PYGO2: variants seen among roughly 807,000 people sequenced by gnomAD.
The protein encoded by PYGO2 is pygopus family PHD finger 2, also known as pygopus homolog 2.
Under a neutral mutation model 26.7 loss-of-function variants are expected in PYGO2, and 9 were observed. The observed-to-expected ratio is 0.34, with a 90% CI of 0.20 to 0.59. The LOEUF is 0.59. PYGO2 is among the 20% of genes least tolerant of loss of function. The probability of loss-of-function intolerance (pLI) is 0.84; values close to 1 mark genes in which losing one functional copy is unlikely to be tolerated. For missense variants in PYGO2, 538 were observed against 561.5 expected, an observed-to-expected ratio of 0.96 and a Z score of 0.42; for synonymous variants, 236 against 219.0, an observed-to-expected ratio of 1.08 and a Z score of -0.68.
chr1:154,960,347 G>A (rs1201096586), intron 2 of PYGO2, among the ~76,000 whole-genome samples: 8 of 149,510 alleles, frequency 5.4e-5, no homozygotes, highest in African/African-American at 2.0e-4. Flanking sequence ...AGCCGAGGCA[G>A]GAGGATCCCT....
Position 154,959,467 on chromosome 1 carries a change from G to C in PYGO2, c.533C>G (p.Pro178Arg). 6.6e-7 allele frequency: 1 copy of C among 1,510,622 alleles called. No individual in the cohort carries two copies. The highest frequency in any genetic ancestry group is 8.8e-7 in the Non-Finnish European group (1 of 1,129,962). 93.6% of individuals were successfully genotyped at this position (1,510,622 alleles called of 1,614,324 possible). The change falls in exon 3 of 3, where the codon CCC becomes CGC. Residue 178 changes from proline (P) to arginine (R), a missense_variant. Around this residue, in one of 4 missense-constraint regions of PYGO2, gnomAD observed 381 missense variants for 336.6 expected, o/e 1.13. Transcript: ENST00000368457. The surrounding 1 kb of genome is among the most constrained non-coding windows in gnomAD (Gnocchi z 4.7). Reference protein sequence around the residue: ...NQPLGQNFSPPSGQMMPGPVG... With the variant: ...NQPLGQNFSPRSGQMMPGPVG... ...TGGGCCCGGCATCATCTGCCCACTG[G>C]GAGGACTAAAGTTTTGACCCAGAGG...
intron 1 of PYGO2, 62 bp from the exon 2 acceptor site, chr1:154,961,088 C>G: frequency 6.6e-7 from 1 of 1,521,894 alleles, no homozygotes; most frequent in Non-Finnish European, 9.0e-7. Flanking sequence ...AACCTCTTTT[C>G]TCTCAGCCAT....
In PYGO2 at chr1:154,961,589, C is replaced by T. The variant is rs777200195; in HGVS notation, c.-13G>A. ...CCGAGGCGGCCATGGAGTGGGGGAC[C>T]CGGGTTAGCGGCAGCGGCGGGGGAT... is the stretch of plus-strand genomic sequence containing the variant. On this transcript the variant is annotated 5_prime_UTR_variant, in exon 1 of 3. Transcript: ENST00000368457. 214 of 1,126,748 alleles carry T rather than the reference C, an allele frequency of 1.9e-4. No homozygotes were observed. The highest frequency in any genetic ancestry group is 2.4e-4 in the Non-Finnish European group (203 of 850,794). 69.8% of individuals were successfully genotyped at this position (1,126,748 alleles called of 1,614,324 possible). A position where few individuals can be genotyped will look rare whatever the true frequency, so the allele number is the denominator to read the frequency against.
rs1655243277 is a variant in PYGO2, at chr1:154,958,227, T to TG, written c.*551dup. On this transcript the variant is annotated 3_prime_UTR_variant, in exon 3 of 3. Coordinates refer to ENST00000368457, the MANE Select transcript of PYGO2 (RefSeq NM_138300.4). ...GAGGGGGAAGGAGTTGGGTAAGTCT[T>TG]GGAGGAAGCAAAGGAGTGGGTAGAA... 6.5e-6 allele frequency: 1 copy of TG among 153,252 alleles called. No homozygotes were observed. The highest frequency in any genetic ancestry group is 6.5e-5 in the Admixed American group (1 of 15,358). The allele number at this position is 153,252 out of a possible 1,614,324, so 9.5% of individuals were successfully genotyped here.
At position 154,958,088 on chromosome 1, in the gene PYGO2, T is replaced by C. The variant is rs1357739493; in HGVS notation, c.*691A>G. 6.5e-6 allele frequency: 1 copy of C among 152,676 alleles called. No individual in the cohort carries two copies. The highest frequency in any genetic ancestry group is 2.4e-5 in the African/African-American group (1 of 41,416). 9.5% of individuals were successfully genotyped at this position (152,676 alleles called of 1,614,324 possible). A position where few individuals can be genotyped will look rare whatever the true frequency, so the allele number is the denominator to read the frequency against. On this transcript the variant is annotated 3_prime_UTR_variant, in exon 3 of 3. Coordinates refer to ENST00000368457, the MANE Select transcript of PYGO2 (RefSeq NM_138300.4). ...GCTGAGAAAGGACCAGTGACTTTGG[T>C]ATGAAGAAGATACGTCCTGACAGCA... is the stretch of plus-strand genomic sequence containing the variant.
rs941035968 is a variant in PYGO2 at position 154,957,427 on chromosome 1, G to C, written c.*1352C>G. On this transcript the variant is annotated 3_prime_UTR_variant, in exon 3 of 3. Coordinates refer to ENST00000368457, the MANE Select transcript of PYGO2 (RefSeq NM_138300.4). Reference sequence around the variant, plus strand: ...AGAAGTGGGGGTAGGGGACCACTAGGTCTTTGCCACTGTATCTTGAGCTGG... The same window carrying C: ...AGAAGTGGGGGTAGGGGACCACTAGCTCTTTGCCACTGTATCTTGAGCTGG... 1 of 152,338 alleles carries C rather than the reference G, an allele frequency of 6.6e-6. No homozygotes were observed. Among genetic ancestry groups the C allele is most frequent in the African/African-American group, 2.4e-5 (1 of 41,398 alleles). 9.4% of individuals were successfully genotyped at this position (152,338 alleles called of 1,614,324 possible).
At position 154,959,163 on chromosome 1, in the gene PYGO2, G is replaced by A. The variant is rs1200173164; in HGVS notation, c.837C>T (p.Ser279=). The A allele has an allele frequency of 1.3e-6, 2 of 1,587,864 alleles. No individual in the cohort carries two copies. The highest frequency in any genetic ancestry group is 8.6e-7 in the Non-Finnish European group (1 of 1,165,748). The change falls in exon 3 of 3, where the codon TCC becomes TCT. Residue 279 remains serine, a synonymous_variant. Coordinates refer to ENST00000368457, the MANE Select transcript of PYGO2 (RefSeq NM_138300.4). This position sits in a 1 kb window ranked among gnomAD's most constrained non-coding sequence, Gnocchi z 4.7. ...GGTTCCCATTAACAGCAGCAGCCGGGGAGCCTGAGTGGGGCTCCTGGGGAA... is the reference window on the plus strand; with the variant it reads ...GGTTCCCATTAACAGCAGCAGCCGGAGAGCCTGAGTGGGGCTCCTGGGGAA... ...TAFPQEPHSG[S]PAAAVNGNQP... is the part of the protein sequence containing the mutation.
In PYGO2 at chr1:154,959,875, G is replaced by A. The variant is rs1016745323; in HGVS notation, c.154-29C>T. ...GTGAGAAACAGTTGAGGGAAAGAGG[G>A]TCATGGAGGGAAACACAGAGCTAAA... On this transcript the variant is annotated intron_variant, in intron 2 of 2. Transcript: ENST00000368457. This position sits in a 1 kb window ranked among gnomAD's most constrained non-coding sequence, Gnocchi z 4.7. 3.7e-6 allele frequency: 4 copies of A among 1,084,602 alleles called. No individual in the cohort carries two copies. Among genetic ancestry groups the A allele is most frequent in the Admixed American group, 3.2e-5 (1 of 31,478 alleles). 67.2% of individuals were successfully genotyped at this position (1,084,602 alleles called of 1,614,324 possible). A position where few individuals can be genotyped will look rare whatever the true frequency, so the allele number is the denominator to read the frequency against.
Position 154,959,133 on chromosome 1 carries a change from G to A in PYGO2, c.867C>T (p.Pro289=). 1 of 1,598,736 alleles carries A rather than the reference G, an allele frequency of 6.3e-7. No homozygotes were observed. The highest frequency in any genetic ancestry group is 8.5e-7 in the Non-Finnish European group (1 of 1,171,240). ...SPAAAVNGNQ[P]SFPPNSSGRG... is the part of the protein sequence containing the mutation. ...GCCCACTGCTGTTCGGGGGGAAACT[G>A]GGCTGGTTCCCATTAACAGCAGCAG... is the stretch of plus-strand genomic sequence containing the variant. The change falls in exon 3 of 3, where the codon CCC becomes CCT. Residue 289 remains proline (P), a synonymous_variant. Transcript: ENST00000368457. The surrounding 1 kb of genome is among the most constrained non-coding windows in gnomAD (Gnocchi z 4.7).
Position 154,961,695 on chromosome 1 carries a change from T to C in PYGO2, c.-119A>G, listed in dbSNP as rs934823413. On this transcript the variant is annotated 5_prime_UTR_variant, in exon 1 of 3. Transcript: ENST00000368457. ...CCCCCGAGCTGCAGCAACCACAAAG[T>C]GCGACGACAGGGAAGCGCCGAGCCG... 1.1e-5 allele frequency: 5 copies of C among 439,174 alleles called. No homozygotes were observed. The highest frequency in any genetic ancestry group is 6.2e-5 in the African/African-American group (3 of 48,622). The allele number at this position is 439,174 out of a possible 1,614,324, so 27.2% of individuals were successfully genotyped here.
At position 154,958,683 on chromosome 1, in the gene PYGO2, G is replaced by C; in HGVS notation, c.*96C>G. Reference sequence around the variant, plus strand: ...TGTTTCTGCCCCATGGGGATGGAAAGCCAGTGGAAACAAGGACCAAGAGCC... The same window carrying C: ...TGTTTCTGCCCCATGGGGATGGAAACCCAGTGGAAACAAGGACCAAGAGCC... On this transcript the variant is annotated 3_prime_UTR_variant, in exon 3 of 3. Transcript: ENST00000368457. 1 of 1,029,190 alleles carries C rather than the reference G, an allele frequency of 9.7e-7. No individual in the cohort carries two copies. The highest frequency in any genetic ancestry group is 1.4e-6 in the Non-Finnish European group (1 of 702,354). 63.8% of individuals were successfully genotyped at this position (1,029,190 alleles called of 1,614,324 possible). A position where few individuals can be genotyped will look rare whatever the true frequency, so the allele number is the denominator to read the frequency against.
At position 154,961,549 on chromosome 1, in the gene PYGO2, C is replaced by G; in HGVS notation, c.28G>C (p.Asp10His). Residue 10 changes from aspartate to histidine, a missense_variant, in exon 1 of 3, where the codon GAC (aspartate) becomes CAC (histidine). Around this residue, in one of 4 missense-constraint regions of PYGO2, gnomAD observed 79 missense variants for 92.7 expected, o/e 0.85. Transcript: ENST00000368457. ...GGGCCGCCACCTCCCTCCAGCTTGTCCGGTGGGGGCGGCGCCGAGGCGGCC... is the reference window on the plus strand; with the variant it reads ...GGGCCGCCACCTCCCTCCAGCTTGTGCGGTGGGGGCGGCGCCGAGGCGGCC... MAASAPPPP[D>H]KLEGGGGPAP... is the part of the protein sequence containing the mutation. 1 of 1,389,530 alleles carries G rather than the reference C, an allele frequency of 7.2e-7. No individual in the cohort carries two copies. Among genetic ancestry groups the G allele is most frequent in the Non-Finnish European group, 9.3e-7 (1 of 1,080,176 alleles). The allele number at this position is 1,389,530 out of a possible 1,614,324, so 86.1% of individuals were successfully genotyped here.
Position 154,958,891 on chromosome 1 carries a change from G to A in PYGO2, c.1109C>T (p.Thr370Ile). ...GGCCCAGACGGCAGAAGCTTCAGTG[G>A]TCAGCAGCCCATAGGCGCTCTCAGT... ...GMTESAYGLL[T>I]TEASAVWACD... The change falls in exon 3 of 3, where the codon ACC (threonine) becomes ATC (isoleucine). Residue 370 changes from threonine to isoleucine, a missense_variant. Thr to Ile is a moderately conservative substitution (Grantham distance 89, BLOSUM62 -1). Coordinates refer to ENST00000368457, the MANE Select transcript of PYGO2 (RefSeq NM_138300.4). 1.2e-6 allele frequency: 2 copies of A among 1,614,030 alleles called. No homozygotes were observed. Among genetic ancestry groups the A allele is most frequent in the Non-Finnish European group, 1.7e-6 (2 of 1,180,042 alleles).
At position 154,958,523 on chromosome 1, in the gene PYGO2, C is replaced by G. The variant is rs575268847; in HGVS notation, c.*256G>C. The G allele has an allele frequency of 2.0e-6, 1 of 488,886 alleles. No homozygotes were observed. Among genetic ancestry groups the G allele is most frequent in the African/African-American group, 1.9e-5 (1 of 51,654 alleles). 30.3% of individuals were successfully genotyped at this position (488,886 alleles called of 1,614,324 possible). A position where few individuals can be genotyped will look rare whatever the true frequency, so the allele number is the denominator to read the frequency against. Reference sequence around the variant, plus strand: ...ACTCCTGGGCCTCCAGAAATAGCCACAAAATGGCTCTGCTCAGCAGGGCTT... The same window carrying G: ...ACTCCTGGGCCTCCAGAAATAGCCAGAAAATGGCTCTGCTCAGCAGGGCTT... On this transcript the variant is annotated 3_prime_UTR_variant, in exon 3 of 3. Transcript: ENST00000368457.
At chr1:154,960,492 G>C (rs553718035) in intron 2 of PYGO2, among the ~76,000 whole-genome samples, 1 of 151,574 alleles carries the variant, frequency 6.6e-6, no homozygotes, top group East Asian at 1.9e-4. Flanking sequence ...ACATAGTGCA[G>C]TAACTATGTT....
chr1:154,958,436 T>G lies in PYGO2; in HGVS notation c.*343A>C, dbSNP rs894457984. Reference sequence around the variant, plus strand: ...GCACAGGTGTTAGGGGCATCCATCATCAGCAGAGGGAACACCCCTGCCCTC... The same window carrying G: ...GCACAGGTGTTAGGGGCATCCATCAGCAGCAGAGGGAACACCCCTGCCCTC... On this transcript the variant is annotated 3_prime_UTR_variant, in exon 3 of 3. Coordinates refer to ENST00000368457, the MANE Select transcript of PYGO2 (RefSeq NM_138300.4). 11 of 281,768 alleles carry G rather than the reference T, an allele frequency of 3.9e-5. No homozygotes were observed. Among genetic ancestry groups the G allele is most frequent in the Non-Finnish European group, 6.2e-5 (9 of 145,410 alleles). 17.5% of individuals were successfully genotyped at this position (281,768 alleles called of 1,614,324 possible).
In PYGO2 at chr1:154,959,831, G is replaced by A. The variant is rs765542479; in HGVS notation, c.169C>T (p.His57Tyr). ...GGGGGTGGTGCAAACTCCGTCAGATGTGAGTATGCAGGGCCCTAGTGAGAA... is the reference window on the plus strand; with the variant it reads ...GGGGGTGGTGCAAACTCCGTCAGATATGAGTATGCAGGGCCCTAGTGAGAA... Reference protein sequence around the residue: ...KSNTQGPAYSHLTEFAPPPTP... With the variant: ...KSNTQGPAYSYLTEFAPPPTP... The change falls in exon 3 of 3, where the codon CAT (histidine) becomes TAT (tyrosine). Residue 57 changes from histidine (H) to tyrosine (Y), a missense_variant. His to Tyr is a moderately conservative substitution (Grantham distance 83). Coordinates refer to ENST00000368457, the MANE Select transcript of PYGO2 (RefSeq NM_138300.4). This position sits in a 1 kb window ranked among gnomAD's most constrained non-coding sequence, Gnocchi z 4.7. 7 of 1,358,564 alleles carry A rather than the reference G, an allele frequency of 5.2e-6. No individual in the cohort carries two copies. Among genetic ancestry groups the A allele is most frequent in the African/African-American group, 3.0e-5 (2 of 66,848 alleles). 84.2% of individuals were successfully genotyped at this position (1,358,564 alleles called of 1,614,324 possible).
Position 154,957,759 on chromosome 1 carries a change from C to A in PYGO2, c.*1020G>T, listed in dbSNP as rs114274581. The A allele has an allele frequency of 6.5e-6, 1 of 152,848 alleles. No homozygotes were observed. Among genetic ancestry groups the A allele is most frequent in the Non-Finnish European group, 1.5e-5 (1 of 68,038 alleles). 9.5% of individuals were successfully genotyped at this position (152,848 alleles called of 1,614,324 possible). On this transcript the variant is annotated 3_prime_UTR_variant, in exon 3 of 3. Transcript: ENST00000368457. ...AGTACCATGGCAATGAGGATCCCGCCGCATCCCCTACCCACAGGCTGTGAC... is the reference window on the plus strand; with the variant it reads ...AGTACCATGGCAATGAGGATCCCGCAGCATCCCCTACCCACAGGCTGTGAC...
rs554976777 is a variant in PYGO2, at chr1:154,958,299, C to T, written c.*480G>A. 1 of 156,360 alleles carries T rather than the reference C, an allele frequency of 6.4e-6. No homozygotes were observed. The highest frequency in any genetic ancestry group is 1.9e-4 in the South Asian group (1 of 5,198). The allele number at this position is 156,360 out of a possible 1,614,324, so 9.7% of individuals were successfully genotyped here. A position where few individuals can be genotyped will look rare whatever the true frequency, so the allele number is the denominator to read the frequency against. On this transcript the variant is annotated 3_prime_UTR_variant, in exon 3 of 3. Transcript: ENST00000368457. ...TTCCCTAAAGCTGTCTCCCAGAGCC[C>T]ATAAAAGGGCTATTGCAGGGATGGC...
Sources: gnomAD v4.1 joint callset for allele counts (sites outside exome capture counted in the v4.1 genomes callset) on GRCh38, gnomAD v4.1.1 for gene constraint, gnomAD v4.1.1 regional missense constraint, Gnocchi (gnomAD v3.1) non-coding constraint, MANE v1.5 for transcripts, NCBI Gene and HGNC (gene_info 2026-07-23, HGNC 2026-07-21) for gene names.